STAT3: variants seen among roughly 807,000 people sequenced by gnomAD.
The protein encoded by STAT3 is signal transducer and activator of transcription 3.
A neutral mutation model predicts 114.3 loss-of-function variants in STAT3; 7 were observed. The ratio of observed to expected loss-of-function variants is 0.06; its 90% confidence interval spans 0.03 to 0.11. The LOEUF is 0.11. STAT3 is among the 10% of genes least tolerant of loss of function. The pLI, the probability that STAT3 is intolerant of heterozygous loss-of-function variation, is 1.00. For missense variants in STAT3, 364 were observed against 960.9 expected, an observed-to-expected ratio of 0.38 and a Z score of 8.21; for synonymous variants, 331 against 354.5, an observed-to-expected ratio of 0.93 and a Z score of 0.74.
At position 42,322,475 on chromosome 17, in the gene STAT3, G is replaced by A. The variant is rs1178410429; in HGVS notation, c.1908C>T (p.Ser636=). The change falls in exon 21 of 24, where the codon TCC becomes TCT. Residue 636 remains serine, a synonymous_variant. Coordinates refer to ENST00000264657, the MANE Select transcript of STAT3 (RefSeq NM_139276.3). ...GCTGCTGCTTTGTGTATGGTTCCAC[G>A]GACTGGATCTGGGTCTTACCTGTCA... ...KDISGKTQIQ[S]VEPYTKQQLN... 5.0e-6 allele frequency: 8 copies of A among 1,614,084 alleles called. No homozygotes were observed. Among genetic ancestry groups the A allele is most frequent in the Admixed American group, 3.3e-5 (2 of 59,990 alleles).
At chr17:42,335,945 C>A (rs955382757) in intron 8 of STAT3, among the ~76,000 whole-genome samples, 2 of 152,026 alleles carry the variant, frequency 1.3e-5, no homozygotes, top group African/African-American at 4.8e-5. Context: ...GACCAAAAGA[C>A]CAGAAAGACA....
intron 1 of STAT3, among the ~76,000 whole-genome samples, chr17:42,371,835 T>C (rs1332987872): frequency 6.6e-6 from 1 of 150,964 alleles, no homozygotes; most frequent in Non-Finnish European, 1.5e-5. Flanking sequence ...ACAAAAAAAT[T>C]AGCAGAACAT....
intron 2 of STAT3, 129 bp from the exon 3 acceptor site, chr17:42,346,842 A>G: frequency 8.0e-7 from 1 of 1,257,708 alleles, no homozygotes; most frequent in Non-Finnish European, 1.1e-6. Context: ...CCCATTCATC[A>G]TGTTAGATTC....
intron 1 of STAT3, among the ~76,000 whole-genome samples, chr17:42,358,932 A>ATTTTTTT (rs2083365690): frequency 5.9e-5 from 3 of 50,430 alleles, no homozygotes; most frequent in African/African-American, 8.2e-5. Flanking sequence ...GACATTTCTT[A>ATTTTTTT]CTTTTTTTTT....
intron 23 of STAT3, 147 bp downstream of exon 23, chr17:42,316,642 G>A (rs1283300367): frequency 3.9e-6 from 6 of 1,535,556 alleles, no homozygotes; most frequent in Non-Finnish European, 5.3e-6. Context: ...TCACACATGT[G>A]GCATTCATAC....
chr17:42,342,462 G>A (rs1037051246), intron 4 of STAT3, among the ~76,000 whole-genome samples: 4 of 150,356 alleles, frequency 2.7e-5, no homozygotes, highest in Non-Finnish European at 5.9e-5. Flanking sequence ...CGGCCTGGGT[G>A]ACAGAGTGAG....
chr17:42,319,671 T>C lies in STAT3; in HGVS notation c.2102-2447A>G, dbSNP rs558130485. On this transcript the variant is annotated intron_variant, in intron 21 of 23. Transcript: ENST00000264657. ...ACCTCTCCCTCAAGCCATAAGGAAATGCTATGTGGGCTTCCAGTAGAGAAG... is the reference window on the plus strand; with the variant it reads ...ACCTCTCCCTCAAGCCATAAGGAAACGCTATGTGGGCTTCCAGTAGAGAAG... Among the ~76,000 whole-genome samples, 45 of 150,412 alleles carry C rather than the reference T, an allele frequency of 3.0e-4. No homozygotes were observed. The South Asian group carries it at 8.8e-3, about 29-fold the overall frequency.
intron 3 of STAT3, 86 bp downstream of exon 3, chr17:42,346,483 A>G: frequency 6.3e-7 from 1 of 1,589,600 alleles, no homozygotes; most frequent in Non-Finnish European, 8.6e-7. Context: ...ACTTAGCCAA[A>G]TGAGAAAAGA....
chr17:42,332,825 C>T (rs937120650), intron 10 of STAT3, among the ~76,000 whole-genome samples: 6 of 150,810 alleles, frequency 4.0e-5, no homozygotes, highest in Admixed American at 1.3e-4. Flanking sequence ...GCCGAAAGAG[C>T]GAGACTCTGT....
intron 1 of STAT3, among the ~76,000 whole-genome samples, chr17:42,361,613 C>T (rs75059447): frequency 0.02 from 3,096 of 152,100 alleles, 116 homozygotes; most frequent in African/African-American, 0.071. Flanking sequence ...ACTCTGAATA[C>T]GCCTCAGAAT....
chr17:42,336,895 TTAAG>T (rs528141129), intron 8 of STAT3, among the ~76,000 whole-genome samples: 2 of 152,074 alleles, frequency 1.3e-5, no homozygotes, highest in African/African-American at 2.4e-5. Context: ...AATTGAATTA[TTAAG>T]TAAAATATAC....
At chr17:42,380,795 C>A (rs1161877791) in intron 1 of STAT3, among the ~76,000 whole-genome samples, 1 of 152,086 alleles carries the variant, frequency 6.6e-6, no homozygotes, top group Non-Finnish European at 1.5e-5. Context: ...CACCTGTAGC[C>A]CCAGCTACCC....
At position 42,324,999 on chromosome 17, in the gene STAT3, G is replaced by A. The variant is rs369714894; in HGVS notation, c.1428C>T (p.Ser476=). Residue 476 remains serine, a synonymous_variant, in exon 16 of 24, where the codon TCC becomes TCT. Coordinates refer to ENST00000264657, the MANE Select transcript of STAT3 (RefSeq NM_139276.3). The surrounding 1 kb of genome is among the most constrained non-coding windows in gnomAD (Gnocchi z 4.5). ...TGGTCAGCATGTTGTACCACAGGATGGACGCCCAGGCATTTGGCATCTGAC... is the reference window on the plus strand; with the variant it reads ...TGGTCAGCATGTTGTACCACAGGATAGACGCCCAGGCATTTGGCATCTGAC... ...NICQMPNAWA[S]ILWYNMLTNN... 3 of 1,614,128 alleles carry A rather than the reference G, an allele frequency of 1.9e-6. No individual in the cohort carries two copies. The highest frequency in any genetic ancestry group is 2.5e-6 in the Non-Finnish European group (3 of 1,180,024).
chr17:42,368,698 G>A (rs1029057507), intron 1 of STAT3, among the ~76,000 whole-genome samples: 8 of 148,646 alleles, frequency 5.4e-5, no homozygotes, highest in Non-Finnish European at 8.9e-5. Flanking sequence ...GGCCTCAAGT[G>A]CTCTGCCTGC....
intron 1 of STAT3, among the ~76,000 whole-genome samples, chr17:42,372,017 T>C (rs2084178949): frequency 6.6e-6 from 1 of 152,160 alleles, no homozygotes; most frequent in Admixed American, 6.6e-5. Flanking sequence ...TTAATAGGTA[T>C]ACCATTATAC....
rs1432716205 is a variant in STAT3, at chr17:42,333,176, C to T, written c.1049+497G>A. Among the ~76,000 whole-genome samples, 3 of 152,020 alleles carry T rather than the reference C, an allele frequency of 2.0e-5. No individual in the cohort carries two copies. Among genetic ancestry groups the T allele is most frequent in the Non-Finnish European group, 2.9e-5 (2 of 68,016 alleles). Reference sequence around the variant, plus strand: ...CATTTTGTTCTATTAATCCTGAAACCGAACACCATACTAAGTTTCTGAGGA... The same window carrying T: ...CATTTTGTTCTATTAATCCTGAAACTGAACACCATACTAAGTTTCTGAGGA... On this transcript the variant is annotated intron_variant, in intron 10 of 23. Transcript: ENST00000264657. The surrounding 1 kb of genome is among the most constrained non-coding windows in gnomAD (Gnocchi z 5.2).
chr17:42,388,210 G>A, intron 1 of STAT3, 69 bp downstream of exon 1: 1 of 1,228,268 alleles, frequency 8.1e-7, no homozygotes, highest in Non-Finnish European at 1.0e-6. Context: ...GGTCCCAGAG[G>A]CCCCCTGCCG....
chr17:42,321,333 T>C (rs2081474154), intron 21 of STAT3, among the ~76,000 whole-genome samples: 2 of 151,492 alleles, frequency 1.3e-5, no homozygotes, highest in East Asian at 3.9e-4. Context: ...CTATGTTGTC[T>C]AGGCTGTTCT....
chr17:42,376,559 A>G (rs1037986610), intron 1 of STAT3, among the ~76,000 whole-genome samples: 1 of 151,118 alleles, frequency 6.6e-6, no homozygotes, highest in African/African-American at 2.4e-5. Context: ...AAAAAAAAAA[A>G]AAACCGGCCA....
Sources: allele counts gnomAD v4.1 joint callset (sites outside exome capture counted in the v4.1 genomes callset), GRCh38; gene constraint gnomAD v4.1.1; non-coding constraint Gnocchi (gnomAD v3.1); transcripts MANE v1.5; gene names NCBI Gene and HGNC (gene_info 2026-07-23, HGNC 2026-07-21).